Variants in CSMD1 observed in about 807,000 individuals in gnomAD.
The protein encoded by CSMD1 is CUB and sushi domain-containing protein 1.
Under a neutral mutation model 417.5 loss-of-function variants are expected in CSMD1, and 213 were observed. The observed-to-expected ratio is 0.51, with a 90% CI of 0.46 to 0.57. The LOEUF (loss-of-function observed/expected upper bound fraction) is 0.57. Ranked by LOEUF, CSMD1 falls within the 20% of genes least tolerant of loss-of-function variation. The pLI, the probability that CSMD1 is intolerant of heterozygous loss-of-function variation, is 0.00. For missense variants in CSMD1, 6,923 were observed against 4,529.7 expected, an observed-to-expected ratio of 1.53 and a Z score of -15.17; for synonymous variants, 2,862 against 1,736.8, an observed-to-expected ratio of 1.65 and a Z score of -16.11.
At chr8:4,202,392 ATTC>A (rs1563265860) in intron 3 of CSMD1, among the ~76,000 whole-genome samples, 1 of 152,164 alleles carries the variant, frequency 6.6e-6, no homozygotes, top group African/African-American at 2.4e-5. Context: ...CTAACAGTTC[ATTC>A]TTAAGCTTTT....
At chr8:4,741,738 A>G (rs1356620800) in intron 1 of CSMD1, among the ~76,000 whole-genome samples, 1 of 152,142 alleles carries the variant, frequency 6.6e-6, no homozygotes, top group Admixed American at 6.6e-5. Context: ...GTAGCTTGTT[A>G]GAAGTGGAGA....
chr8:4,450,746 A>G (rs932430929), intron 2 of CSMD1, among the ~76,000 whole-genome samples: 2 of 152,188 alleles, frequency 1.3e-5, no homozygotes, highest in African/African-American at 4.8e-5. Flanking sequence ...TAGCAACAAA[A>G]CAGCGGTCTC....
chr8:4,915,459 A>G (rs1384024015), intron 1 of CSMD1, among the ~76,000 whole-genome samples: 1 of 152,184 alleles, frequency 6.6e-6, no homozygotes, highest in Non-Finnish European at 1.5e-5. Flanking sequence ...TCTGCGTACA[A>G]TCTTCCTTTC....
chr8:4,555,710 C>A (rs966702933), intron 2 of CSMD1, among the ~76,000 whole-genome samples: 1 of 152,188 alleles, frequency 6.6e-6, no homozygotes, highest in African/African-American at 2.4e-5. Flanking sequence ...AGATTCTTCA[C>A]AGGAGCCTGC....
chr8:3,837,707 T>G (rs553422140), intron 5 of CSMD1, among the ~76,000 whole-genome samples: 79 of 152,208 alleles, frequency 5.2e-4, no homozygotes, highest in African/African-American at 1.1e-3. Context: ...TAATAGAGGT[T>G]GAGAACACAT....
intron 3 of CSMD1, among the ~76,000 whole-genome samples, chr8:4,115,588 T>C (rs976326099): frequency 1.3e-5 from 2 of 152,190 alleles, no homozygotes; most frequent in African/African-American, 4.8e-5. Flanking sequence ...TAACTGATCA[T>C]ACATTTTTAA....
At chr8:4,547,452 A>G (rs1797687091) in intron 2 of CSMD1, among the ~76,000 whole-genome samples, 2 of 152,212 alleles carry the variant, frequency 1.3e-5, no homozygotes, top group South Asian at 4.1e-4. Context: ...GAAAAAGAAA[A>G]AAAGAAACTT....
intron 1 of CSMD1, chr8:4,787,682 C>G: frequency 6.3e-7 from 1 of 1,590,092 alleles, no homozygotes; most frequent in Non-Finnish European, 8.6e-7. Flanking sequence ...GTTTACCCAC[C>G]TAAAGTGGAG....
intron 3 of CSMD1, among the ~76,000 whole-genome samples, chr8:4,319,033 C>A (rs1799106556): frequency 1.3e-5 from 2 of 152,124 alleles, no homozygotes; most frequent in South Asian, 4.1e-4. Context: ...CTTGAAGGTA[C>A]AAACTCCTTG....
At chr8:3,548,384 T>C (rs1798765712) in intron 10 of CSMD1, among the ~76,000 whole-genome samples, 1 of 152,112 alleles carries the variant, frequency 6.6e-6, no homozygotes, top group African/African-American at 2.4e-5. Flanking sequence ...GAGATTTTGG[T>C]GCACTTATCA....
intron 1 of CSMD1, among the ~76,000 whole-genome samples, chr8:4,675,180 C>T (rs1379272117): frequency 2.6e-5 from 4 of 152,176 alleles, no homozygotes; most frequent in Admixed American, 1.3e-4. Context: ...TAGTTTTAAA[C>T]CTTAGAACCT....
chr8:3,184,389 C>G (rs571728360), intron 36 of CSMD1, among the ~76,000 whole-genome samples: 2 of 152,178 alleles, frequency 1.3e-5, no homozygotes, highest in African/African-American at 4.8e-5. Context: ...GACACAGCCT[C>G]AAAAACTTGA....
At chr8:4,045,582 TG>T (rs1216255418) in intron 3 of CSMD1, among the ~76,000 whole-genome samples, 2 of 152,090 alleles carry the variant, frequency 1.3e-5, no homozygotes, top group Non-Finnish European at 2.9e-5. Context: ...TGCTTTAGAA[TG>T]AAAGAAACTC....
At chr8:4,194,611 C>G (rs969724950) in intron 3 of CSMD1, among the ~76,000 whole-genome samples, 2 of 152,056 alleles carry the variant, frequency 1.3e-5, no homozygotes, top group Non-Finnish European at 2.9e-5. Flanking sequence ...AATTTGCTAA[C>G]AGAGTAATCA....
intron 23 of CSMD1, among the ~76,000 whole-genome samples, chr8:3,317,800 G>C (rs544841060): frequency 3.5e-4 from 54 of 152,254 alleles, no homozygotes; most frequent in African/African-American, 1.2e-3. Flanking sequence ...AGTTGCTACT[G>C]TATAAGTGAA....
At chr8:4,216,504 T>TATTCA (rs1288827052) in intron 3 of CSMD1, among the ~76,000 whole-genome samples, 1 of 152,176 alleles carries the variant, frequency 6.6e-6, no homozygotes, top group East Asian at 1.9e-4. Flanking sequence ...AATTAGTGCT[T>TATTCA]ATTCAGTACC....
intron 1 of CSMD1, among the ~76,000 whole-genome samples, chr8:4,642,674 TCTA>T (rs1225451125): frequency 1.3e-5 from 2 of 152,204 alleles, no homozygotes; most frequent in African/African-American, 2.4e-5. Flanking sequence ...CCAAATATGT[TCTA>T]CTACCTCATT....
chr8:4,405,127 G>C (rs895169416), intron 3 of CSMD1, among the ~76,000 whole-genome samples: 1 of 152,182 alleles, frequency 6.6e-6, no homozygotes, highest in African/African-American at 2.4e-5. Flanking sequence ...CTTAGCATTG[G>C]TTATTTCACA....
chr8:3,270,744 G>C (rs894781329), intron 26 of CSMD1, among the ~76,000 whole-genome samples: 1 of 152,038 alleles, frequency 6.6e-6, no homozygotes. Flanking sequence ...CAGAGGGGAA[G>C]GAACTTTGCT....
Sources: allele counts gnomAD v4.1 joint callset (sites outside exome capture counted in the v4.1 genomes callset), GRCh38; gene constraint gnomAD v4.1.1; transcripts MANE v1.5; gene names NCBI Gene and HGNC (gene_info 2026-07-23, HGNC 2026-07-21).